The following GRIA4 variants were observed in gnomAD, a reference collection of about 807,000 sequenced individuals.
The protein encoded by GRIA4 is glutamate ionotropic receptor AMPA type subunit 4.
Under a neutral mutation model 104.0 loss-of-function variants are expected in GRIA4, and 34 were observed. That is an observed-to-expected ratio of 0.33 (90% CI 0.25 to 0.44). GRIA4 has a LOEUF of 0.44. GRIA4 is among the 20% of genes least tolerant of loss of function. The pLI is 1.00. For synonymous variants in GRIA4, 386 were observed against 381.9 expected, an observed-to-expected ratio of 1.01 and a Z score of -0.13; for missense variants, 750 against 1,096.5, an observed-to-expected ratio of 0.68 and a Z score of 4.46.
chr11:105,822,949 T>C (rs1776020835), intron 4 of GRIA4, among the ~76,000 whole-genome samples: 2 of 152,158 alleles, frequency 1.3e-5, no homozygotes, highest in African/African-American at 2.4e-5. Flanking sequence ...TTCTGAACAT[T>C]TCTTCTTCTA....
chr11:105,775,129 A>G (rs1450703128), intron 4 of GRIA4, among the ~76,000 whole-genome samples: 3 of 152,070 alleles, frequency 2.0e-5, no homozygotes, highest in Admixed American at 6.6e-5. Flanking sequence ...GCAGCCTAGC[A>G]TCTTCAAATC....
intron 4 of GRIA4, among the ~76,000 whole-genome samples, chr11:105,829,094 T>TACACACACACACACACACACAC (rs146841671): frequency 0.059 from 8,977 of 151,076 alleles, 433 homozygotes; most frequent in African/African-American, 0.14. Context: ...CAGTGATGTA[T>TACACACACACACACACACACAC]ACACACACAC....
At chr11:105,648,303 T>G (rs140041041) in intron 3 of GRIA4, among the ~76,000 whole-genome samples, 2 of 151,382 alleles carry the variant, frequency 1.3e-5, no homozygotes, top group Non-Finnish European at 3.0e-5. Flanking sequence ...GAGCAAAAGA[T>G]AGAAAATTTT....
chr11:105,866,184 T>C (rs1167045204), intron 5 of GRIA4, among the ~76,000 whole-genome samples: 20 of 152,220 alleles, frequency 1.3e-4, no homozygotes, highest in Non-Finnish European at 2.9e-5. Flanking sequence ...ATGATTCTTC[T>C]CGTTCTCACT....
chr11:105,941,456 A>G (rs1467777063), intron 14 of GRIA4, among the ~76,000 whole-genome samples: 1 of 152,150 alleles, frequency 6.6e-6, no homozygotes, highest in African/African-American at 2.4e-5. Flanking sequence ...AATGTACACA[A>G]TGCTGAAGCA....
At chr11:105,670,980 C>T (rs1468732777) in intron 3 of GRIA4, among the ~76,000 whole-genome samples, 1 of 152,044 alleles carries the variant, frequency 6.6e-6, no homozygotes, top group Non-Finnish European at 1.5e-5. Flanking sequence ...GCTTGTGGCC[C>T]ACTTCCTCCA....
At chr11:105,669,890 G>A (rs1440164674) in intron 3 of GRIA4, among the ~76,000 whole-genome samples, 2 of 151,976 alleles carry the variant, frequency 1.3e-5, no homozygotes, top group Non-Finnish European at 2.9e-5. Context: ...TGCTGATCCC[G>A]GATGGATACA....
At chr11:105,637,600 A>T (rs754790792) in intron 3 of GRIA4, among the ~76,000 whole-genome samples, 34 of 152,306 alleles carry the variant, frequency 2.2e-4, no homozygotes, top group Non-Finnish European at 4.6e-4. Context: ...AAACATGTAA[A>T]TAGATAGTTA....
At chr11:105,876,629 T>C (rs557657094) in intron 5 of GRIA4, among the ~76,000 whole-genome samples, 1 of 152,340 alleles carries the variant, frequency 6.6e-6, no homozygotes, top group South Asian at 2.1e-4. Context: ...TTAGGATCGT[T>C]AGCTCTTCTT....
chr11:105,616,791 C>T (rs1342212861), intron 3 of GRIA4, among the ~76,000 whole-genome samples: 1 of 151,728 alleles, frequency 6.6e-6, no homozygotes, highest in African/African-American at 2.4e-5. Context: ...TGTGACTCAA[C>T]TGTGACTCTC....
chr11:105,910,624 G>C, intron 10 of GRIA4, 79 bp downstream of exon 10: 1 of 745,774 alleles, frequency 1.3e-6, no homozygotes, highest in East Asian at 2.6e-5. Context: ...TGAACAGGGA[G>C]GGCAAAGCTG....
intron 4 of GRIA4, among the ~76,000 whole-genome samples, chr11:105,787,956 G>A (rs1440666997): frequency 6.6e-6 from 1 of 152,058 alleles, no homozygotes; most frequent in African/African-American, 2.4e-5. Flanking sequence ...AATAGGAGTA[G>A]ATTGACTGCC....
rs77686792 is a variant in GRIA4 at position 105,813,905 on chromosome 11, G to A, written c.488-48119G>A. Among the ~76,000 whole-genome samples the A allele has an allele frequency of 8.0e-3, 1,220 of 152,106 alleles. 14 individuals carry two copies. The highest frequency in any genetic ancestry group is 0.054 in the East Asian group (281 of 5,164). On this transcript the variant is annotated intron_variant, in intron 4 of 16. Transcript: ENST00000282499. The stretch of plus-strand genomic sequence containing the variant: ...CTGTCTCATGAGAGAGAGAGTGGGC[G>A]GTTGCTTTAATAGGTGGTCCTGGAA...
intron 3 of GRIA4, among the ~76,000 whole-genome samples, chr11:105,742,414 T>G (rs1302275765): frequency 6.6e-6 from 1 of 152,088 alleles, no homozygotes; most frequent in Admixed American, 6.6e-5. Context: ...CTTGACCCCA[T>G]GTATTCTATC....
intron 14 of GRIA4, among the ~76,000 whole-genome samples, chr11:105,944,020 A>C (rs1386692342): frequency 2.6e-5 from 4 of 152,222 alleles, no homozygotes; most frequent in African/African-American, 9.6e-5. Flanking sequence ...CACATATATT[A>C]TAGTTGGAGG....
intron 14 of GRIA4, among the ~76,000 whole-genome samples, chr11:105,971,660 G>A (rs56035506): frequency 0.049 from 7,415 of 152,156 alleles, 221 homozygotes; most frequent in Non-Finnish European, 0.076. Context: ...ACCCAACCAA[G>A]GCCAATAGTT....
At chr11:105,940,216 T>G (rs1948149993) in intron 14 of GRIA4, among the ~76,000 whole-genome samples, 1 of 151,790 alleles carries the variant, frequency 6.6e-6, no homozygotes, top group East Asian at 1.9e-4. Flanking sequence ...AATAGAAAAA[T>G]TAGCCAGGCA....
chr11:105,895,035 A>G lies in GRIA4; in HGVS notation c.727-3234A>G, dbSNP rs1004106820. On this transcript the variant is annotated intron_variant, in intron 6 of 16. Transcript: ENST00000282499. Reference sequence around the variant, plus strand: ...AGGATGGTCTCGATCTCCTGACCTCATGATCCACCCGCCTCGGCCTCCCAA... The same window carrying G: ...AGGATGGTCTCGATCTCCTGACCTCGTGATCCACCCGCCTCGGCCTCCCAA... Among the ~76,000 whole-genome samples, 5 of 102,852 alleles carry G rather than the reference A, an allele frequency of 4.9e-5. 2 individuals are homozygous for G. The highest frequency in any genetic ancestry group is 8.4e-5 in the Non-Finnish European group (4 of 47,594). The allele number at this position is 102,852 out of a possible 152,430, so 67.5% of individuals were successfully genotyped here. A position where few individuals can be genotyped will look rare whatever the true frequency, so the allele number is the denominator to read the frequency against.
At chr11:105,934,983 G>C (rs1298548050) in intron 14 of GRIA4, among the ~76,000 whole-genome samples, 1 of 152,106 alleles carries the variant, frequency 6.6e-6, no homozygotes, top group Non-Finnish European at 1.5e-5. Flanking sequence ...TGATGCCTCT[G>C]GTAAGCCATT....
Sources: gnomAD v4.1 joint callset for allele counts (sites outside exome capture counted in the v4.1 genomes callset) on GRCh38, gnomAD v4.1.1 for gene constraint, MANE v1.5 for transcripts, NCBI Gene and HGNC (gene_info 2026-07-23, HGNC 2026-07-21) for gene names.